HEATR4: variants seen among roughly 807,000 people sequenced by gnomAD.
HEATR4 encodes HEAT repeat-containing protein 4.
A neutral mutation model predicts 108.8 loss-of-function variants in HEATR4; 95 were observed. The observed-to-expected ratio is 0.87, with a 90% CI of 0.74 to 1.04. The LOEUF (loss-of-function observed/expected upper bound fraction) is 1.04. HEATR4 is among the 50% of genes least tolerant of loss of function. HEATR4 has a pLI of 0.00. For missense variants in HEATR4, 1,152 were observed against 1,253.8 expected (o/e 0.92, Z 1.23); for synonymous variants, 443 against 459.4 (o/e 0.96, Z 0.46).
At chr14:73,576,793 C>CAAAAAAAAAAAAAAAGAAAAA in the HEATR4 span, among the ~76,000 whole-genome samples, 1 of 12,096 alleles carries the variant, frequency 8.3e-5, no homozygotes, top group Non-Finnish European at 1.8e-4. Flanking sequence ...GACACAGTCT[C>CAAAAAAAAAAAAAAAGAAAAA]AAAAAAAAAA....
chr14:73,508,191 C>G lies in HEATR4; in HGVS notation c.1824G>C (p.Lys608Asn), dbSNP rs1213444651. Residue 608 changes from lysine to asparagine, a missense_variant, in exon 9 of 18, where the codon AAG (lysine) becomes AAC (asparagine). Coordinates refer to ENST00000553558, the MANE Select transcript of HEATR4 (RefSeq NM_001220484.1). ...AAGACTGTTCCTCAGTGTCCTCATTCTTCTTTGTAAACAGCTGGTGGAGGA... is the reference window on the plus strand; with the variant it reads ...AAGACTGTTCCTCAGTGTCCTCATTGTTCTTTGTAAACAGCTGGTGGAGGA... ...KRILHQLFTK[K>N]NEDTEEQSYI... 6.2e-7 allele frequency: 1 copy of G among 1,614,104 alleles called. No individual in the cohort carries two copies. The highest frequency in any genetic ancestry group is 1.7e-5 in the Admixed American group (1 of 60,012).
At chr14:73,592,065 G>A in the HEATR4 span, 1 of 1,479,046 alleles carries the variant, frequency 6.8e-7, no homozygotes, top group Non-Finnish European at 9.0e-7. Context: ...TACGCTGCGC[G>A]CGTCCCTGCG....
chr14:73,517,787 G>A (rs190063708), intron 5 of HEATR4, among the ~76,000 whole-genome samples: 24 of 151,714 alleles, frequency 1.6e-4, no homozygotes, highest in African/African-American at 5.1e-4. Flanking sequence ...AAGGAAGGGA[G>A]GAAGGAGAAA....
At position 73,478,772 on chromosome 14, in the gene HEATR4, A is replaced by G. The variant is rs769635857; in HGVS notation, c.2915T>C (p.Val972Ala). Residue 972 changes from valine (V) to alanine (A), a missense_variant, in exon 18 of 18, where the codon GTT becomes GCT. By Grantham distance (64) the Val-to-Ala change is moderately conservative (BLOSUM62 0). Transcript: ENST00000553558. The stretch of plus-strand genomic sequence containing the variant: ...TAGATCTTTGACAAGTGATGAACGA[A>G]CTTTGCTTCGTGTGGTTAGGCCTGG... ...SVPGLTTRSK[V>A]RSSLVKDLRT... 47 of 1,613,776 alleles carry G rather than the reference A, an allele frequency of 2.9e-5. No homozygotes were observed. The Admixed American group carries it at 7.5e-4, about 26-fold the overall frequency.
rs143634597 is a variant in HEATR4, at chr14:73,495,300, G to A, written c.2713C>T (p.Arg905Cys). 25 of 1,613,730 alleles carry A rather than the reference G, an allele frequency of 1.5e-5. No individual in the cohort carries two copies. The highest frequency in any genetic ancestry group is 2.7e-5 in the African/African-American group (2 of 74,868). ...TCTCCTTTGGGTTTCAAGTAAACACGTTTTGCTTCCTCCCTCACTTTTCCC... is the reference window on the plus strand; with the variant it reads ...TCTCCTTTGGGTTTCAAGTAAACACATTTTGCTTCCTCCCTCACTTTTCCC... The part of the protein sequence containing the change: ...VMGKVREEAK[R>C]VYLKPKGEQG... The change falls in exon 16 of 18, where the codon CGT (arginine) becomes TGT (cysteine). Residue 905 changes from arginine (R) to cysteine (C), a missense_variant. Arg to Cys is a radical substitution (Grantham distance 180). Coordinates refer to ENST00000553558, the MANE Select transcript of HEATR4 (RefSeq NM_001220484.1).
intron 17 of HEATR4, among the ~76,000 whole-genome samples, chr14:73,490,744 C>T (rs1291585590): frequency 6.6e-6 from 1 of 152,250 alleles, no homozygotes; most frequent in Non-Finnish European, 1.5e-5. Flanking sequence ...CGTGAACCAC[C>T]GCGCTTGGCC....
the HEATR4 span, among the ~76,000 whole-genome samples, chr14:73,615,509 T>C: frequency 1.4e-5 from 2 of 148,046 alleles, no homozygotes; most frequent in African/African-American, 5.1e-5. Flanking sequence ...GGTGGGCGGA[T>C]CATCTGAGGT....
At chr14:73,619,193 A>G in the HEATR4 span, 8 of 1,520,604 alleles carry the variant, frequency 5.3e-6, no homozygotes, top group Admixed American at 1.8e-4. Context: ...TCCTCCATTT[A>G]TGAATTCTAA....
the HEATR4 span, chr14:73,619,669 T>A: frequency 1.2e-6 from 2 of 1,614,176 alleles, no homozygotes. Flanking sequence ...TGACCCACCT[T>A]ATTTTCCTCC....
Position 73,490,971 on chromosome 14 carries a change from G to C in HEATR4, c.2844+2095C>G, listed in dbSNP as rs753252169. On this transcript the variant is annotated intron_variant, in intron 17 of 17. Coordinates refer to ENST00000553558, the MANE Select transcript of HEATR4 (RefSeq NM_001220484.1). ...GCCGCTGCATTCAGGAACCGCTTTA[G>C]CTTCGCCCCCGGCCGGCCGGGCGGG... The C allele has an allele frequency of 3.0e-6, 4 of 1,313,348 alleles. No homozygotes were observed. In the African/African-American group the frequency reaches 6.1e-5, roughly 20 times the overall value. The allele number at this position is 1,313,348 out of a possible 1,614,324, so 81.4% of individuals were successfully genotyped here.
the HEATR4 span, among the ~76,000 whole-genome samples, chr14:73,618,325 A>ACTGTATTTAACAGTTTGTTC: frequency 2.0e-5 from 3 of 151,944 alleles, no homozygotes; most frequent in Admixed American, 6.5e-5. Flanking sequence ...GGCACCCCAG[A>ACTGTATTTAACAGTTTGTTC]ATTCTCTGCC....
At chr14:73,482,459 C>T (rs1372756771) in intron 17 of HEATR4, among the ~76,000 whole-genome samples, 1 of 152,020 alleles carries the variant, frequency 6.6e-6, no homozygotes, top group African/African-American at 2.4e-5. Flanking sequence ...AAGGCGGAGG[C>T]TGCAATGGGC....
At chr14:73,561,848 G>A (rs112027585), upstream of HEATR4, among the ~76,000 whole-genome samples, 1 of 152,128 alleles carries the variant, frequency 6.6e-6, no homozygotes, top group African/African-American at 2.4e-5. Context: ...ATCCAGGTGA[G>A]GTGGCACGTG....
At chr14:73,481,660 T>C (rs1454307671) in intron 17 of HEATR4, among the ~76,000 whole-genome samples, 1 of 149,982 alleles carries the variant, frequency 6.7e-6, no homozygotes, top group Non-Finnish European at 1.5e-5. Context: ...GCTAACAAGG[T>C]GAAACCCCGT....
chr14:73,514,317 C>T (rs1887454941), intron 5 of HEATR4, 83 bp from the exon 6 acceptor site: 4 of 1,227,320 alleles, frequency 3.3e-6, no homozygotes, highest in Non-Finnish European at 3.5e-6. Context: ...CATCCCATTC[C>T]TATTCCTGAC....
the HEATR4 span, chr14:73,569,995 T>A: frequency 7.0e-7 from 1 of 1,430,426 alleles, no homozygotes; most frequent in Middle Eastern, 2.3e-4. Context: ...CCCCGGGCTA[T>A]ATTGCCCAGG....
intron 17 of HEATR4, among the ~76,000 whole-genome samples, chr14:73,486,485 T>C (rs9323587): frequency 0.75 from 113,894 of 152,058 alleles, 42,773 homozygotes; most frequent in East Asian, 0.86. Context: ...CTTGCCTGAG[T>C]CCAGGAGTTC....
At chr14:73,568,960 C>T in the HEATR4 span, 1 of 496,992 alleles carries the variant, frequency 2.0e-6, no homozygotes, top group Non-Finnish European at 3.6e-6. Context: ...CTGCATTCCT[C>T]TTCGCCATCA....
the HEATR4 span, among the ~76,000 whole-genome samples, chr14:73,571,835 G>C: frequency 2.0e-5 from 3 of 152,046 alleles, no homozygotes; most frequent in Admixed American, 6.6e-5. Context: ...ATTTACAATA[G>C]GAAAACCTCT....
Sources: allele counts gnomAD v4.1 joint callset (sites outside exome capture counted in the v4.1 genomes callset), GRCh38; gene constraint gnomAD v4.1.1; transcripts MANE v1.5; gene names NCBI Gene and HGNC (gene_info 2026-07-23, HGNC 2026-07-21).